The following SGIP1 variants were observed in gnomAD, a reference collection of about 807,000 sequenced individuals.
The protein encoded by SGIP1 is SH3GL interacting endocytic adaptor 1, also known as SH3-containing GRB2-like protein 3-interacting protein 1.
In SGIP1, 38 loss-of-function variants were observed where a neutral mutation model predicts 107.5. The observed-to-expected ratio is 0.35, with a 90% CI of 0.27 to 0.46. The LOEUF (loss-of-function observed/expected upper bound fraction) is 0.46. SGIP1 is among the 20% of genes least tolerant of loss of function. The pLI is 1.00. For missense variants in SGIP1, 929 were observed against 1,019.5 expected (o/e 0.91, Z 1.21); for synonymous variants, 365 against 366.1 (o/e 1.00, Z 0.03).
At chr1:66,543,281 C>CTT (rs796656657) in intron 1 of SGIP1, among the ~76,000 whole-genome samples, 15 of 151,890 alleles carry the variant, frequency 9.9e-5, no homozygotes, top group African/African-American at 3.6e-4. Context: ...AACAAAAGCC[C>CTT]TTTTTTTTCC....
Position 66,735,194 on chromosome 1 carries a change from GTTATTTTATTTTAT to G in SGIP1, c.2031+1317_2031+1330del, listed in dbSNP as rs1214537677. ...CTATAAGATCAACTTTTATTTTTAT[GTTATTTTATTTTAT>G]TTTATTTTATTTTATTTAGTTTTTT... On this transcript the variant is annotated intron_variant, in intron 21 of 24. Coordinates refer to ENST00000371037, the MANE Select transcript of SGIP1 (RefSeq NM_032291.4). Among the ~76,000 whole-genome samples the G allele has an allele frequency of 6.3e-4, 96 of 151,236 alleles. 1 individual carries two copies. The highest frequency in any genetic ancestry group is 2.0e-3 in the African/African-American group (83 of 41,194).
chr1:66,565,885 T>TTA (rs2059570855), intron 1 of SGIP1, among the ~76,000 whole-genome samples: 1 of 152,032 alleles, frequency 6.6e-6, no homozygotes, highest in South Asian at 2.1e-4. Flanking sequence ...TGCTACTATG[T>TTA]TATATTTCTA....
intron 18 of SGIP1, among the ~76,000 whole-genome samples, chr1:66,708,568 C>T (rs1189210472): frequency 2.6e-5 from 4 of 152,218 alleles, no homozygotes; most frequent in South Asian, 2.1e-4. Context: ...TTGTTGAATA[C>T]ATGTGTTCTG....
At chr1:66,653,937 C>T (rs2079206749) in intron 7 of SGIP1, among the ~76,000 whole-genome samples, 1 of 152,134 alleles carries the variant, frequency 6.6e-6, no homozygotes, top group Non-Finnish European at 1.5e-5. Context: ...TTACAGAAGC[C>T]TACTTTGTGA....
intron 21 of SGIP1, among the ~76,000 whole-genome samples, chr1:66,734,096 A>G (rs753672208): frequency 3.3e-5 from 5 of 152,198 alleles, no homozygotes; most frequent in Non-Finnish European, 4.4e-5. Flanking sequence ...CAAGTAAAAT[A>G]TTTTATCACA....
intron 7 of SGIP1, among the ~76,000 whole-genome samples, chr1:66,652,276 C>G (rs1390719100): frequency 6.6e-6 from 1 of 152,152 alleles, no homozygotes; most frequent in East Asian, 1.9e-4. Flanking sequence ...TATCAATCAC[C>G]TTCTCAGCTT....
intron 1 of SGIP1, among the ~76,000 whole-genome samples, chr1:66,589,310 G>T (rs2063235391): frequency 6.7e-6 from 1 of 148,928 alleles, no homozygotes; most frequent in Non-Finnish European, 1.5e-5. Flanking sequence ...TTGCTGAAGA[G>T]GCTAAGACCT....
chr1:66,639,749 T>A (rs772140756), intron 4 of SGIP1, 28 bp from the exon 5 acceptor site: 10 of 1,569,696 alleles, frequency 6.4e-6, no homozygotes, highest in Non-Finnish European at 7.0e-6. Context: ...ATGTTTTCCT[T>A]CTAAATTCAT....
At chr1:66,655,195 A>G (rs1049516835) in intron 7 of SGIP1, among the ~76,000 whole-genome samples, 2 of 151,830 alleles carry the variant, frequency 1.3e-5, no homozygotes, top group Admixed American at 1.3e-4. Context: ...GGTCTTCAAG[A>G]GCCTCATTGT....
rs147418755 is a variant in SGIP1 at position 66,673,896 on chromosome 1, G to C, written c.646+530G>C. ...GAAACTTAGAAATAAGGCCAGGTGT[G>C]GTGGTTCACTCCCTCAATCCCAGCA... is the stretch of plus-strand genomic sequence containing the variant. On this transcript the variant is annotated intron_variant, in intron 12 of 24. Coordinates refer to ENST00000371037, the MANE Select transcript of SGIP1 (RefSeq NM_032291.4). Among the ~76,000 whole-genome samples, 1,165 of 152,234 alleles carry C rather than the reference G, an allele frequency of 7.7e-3. 7 individuals are homozygous for C. The highest frequency in any genetic ancestry group is 0.013 in the Non-Finnish European group (864 of 68,018).
chr1:66,708,998 T>C (rs1022708227), intron 18 of SGIP1, among the ~76,000 whole-genome samples: 2 of 151,946 alleles, frequency 1.3e-5, no homozygotes, highest in African/African-American at 4.8e-5. Context: ...TTTCTGTTTG[T>C]TTTTGTTTGT....
chr1:66,589,663 C>T (rs2063314109), intron 1 of SGIP1, among the ~76,000 whole-genome samples: 1 of 152,156 alleles, frequency 6.6e-6, no homozygotes, highest in Non-Finnish European at 1.5e-5. Context: ...CCCCCAGCCC[C>T]TGAATTCTCA....
chr1:66,596,508 C>T (rs923253629), intron 1 of SGIP1, among the ~76,000 whole-genome samples: 1 of 151,640 alleles, frequency 6.6e-6, no homozygotes. Context: ...AGGAAAGGGT[C>T]GGTATATGTA....
intron 3 of SGIP1, 110 bp downstream of exon 3, chr1:66,633,204 C>T: frequency 1.4e-6 from 1 of 721,976 alleles, no homozygotes; most frequent in South Asian, 1.6e-5. Flanking sequence ...GCTTGAATGA[C>T]TTTTTGGACC....
At chr1:66,588,903 G>C (rs1331176140) in intron 1 of SGIP1, among the ~76,000 whole-genome samples, 1 of 150,712 alleles carries the variant, frequency 6.6e-6, no homozygotes, top group Non-Finnish European at 1.5e-5. Context: ...CAAACATACT[G>C]TCTCCTTGGT....
intron 7 of SGIP1, among the ~76,000 whole-genome samples, chr1:66,654,504 A>C (rs938084376): frequency 6.6e-6 from 1 of 152,118 alleles, no homozygotes; most frequent in African/African-American, 2.4e-5. Flanking sequence ...GAGTTTCTAC[A>C]AATATGTGAA....
At chr1:66,669,524 G>A (rs934965325) in intron 9 of SGIP1, among the ~76,000 whole-genome samples, 2 of 152,016 alleles carry the variant, frequency 1.3e-5, no homozygotes, top group African/African-American at 4.8e-5. Flanking sequence ...TCTATCTGAG[G>A]GTTCATAACC....
chr1:66,651,889 C>T (rs1208470822), intron 7 of SGIP1, among the ~76,000 whole-genome samples: 1 of 152,036 alleles, frequency 6.6e-6, no homozygotes, highest in Non-Finnish European at 1.5e-5. Flanking sequence ...TTTCAGTTCC[C>T]CTAATCAGTT....
rs894149209 is a variant in SGIP1, at chr1:66,750,078, CTCTG to C, written c.*6987_*6990del. On this transcript the variant is annotated 3_prime_UTR_variant, in exon 25 of 25. Transcript: ENST00000371037. ...GTGTGTGTGTGTGTGTCTCTTTCCT[CTCTG>C]TCTAAGGGGAATTGGAAAATTGCTG... Among the ~76,000 whole-genome samples the C allele has an allele frequency of 8.6e-5, 13 of 150,738 alleles. No homozygotes were observed. The highest frequency in any genetic ancestry group is 2.2e-4 in the African/African-American group (9 of 40,998).
Sources: gnomAD v4.1 joint callset for allele counts (sites outside exome capture counted in the v4.1 genomes callset) on GRCh38, gnomAD v4.1.1 for gene constraint, MANE v1.5 for transcripts, NCBI Gene and HGNC (gene_info 2026-07-23, HGNC 2026-07-21) for gene names.